Variants in DTNB observed in about 807,000 individuals in gnomAD.
DTNB encodes DTN-B.
A neutral mutation model predicts 90.7 loss-of-function variants in DTNB; 63 were observed. The observed-to-expected ratio is 0.69, with a 90% CI of 0.57 to 0.86. The LOEUF is 0.86. DTNB is among the 40% of genes least tolerant of loss of function. The pLI, the probability that DTNB is intolerant of heterozygous loss-of-function variation, is 0.00. For missense variants in DTNB, 744 were observed against 807.1 expected (o/e 0.92, Z 0.95); for synonymous variants, 277 against 286.7 (o/e 0.97, Z 0.34).
chr2:25,506,391 C>G (rs988895681), intron 9 of DTNB, among the ~76,000 whole-genome samples: 1 of 150,802 alleles, frequency 6.6e-6, no homozygotes, highest in Non-Finnish European at 1.5e-5. Flanking sequence ...CATGAGTACA[C>G]GTGCAGGATG....
intron 8 of DTNB, among the ~76,000 whole-genome samples, chr2:25,536,969 C>G (rs1444951003): frequency 6.6e-6 from 1 of 151,996 alleles, no homozygotes; most frequent in African/African-American, 2.4e-5. Context: ...TCTCAATCTC[C>G]TGACCTCGTG....
intron 9 of DTNB, among the ~76,000 whole-genome samples, chr2:25,491,585 C>T (rs931739375): frequency 6.6e-6 from 1 of 152,008 alleles, no homozygotes; most frequent in Non-Finnish European, 1.5e-5. Flanking sequence ...TGACATTATT[C>T]GCTGTTATAT....
rs138446213 is a variant in DTNB, at chr2:25,495,797, G to A, written c.1002-12924C>T. ...AAAATAAGCATCTGGTACTGTAAGTGTAGCATAAATATCATGTTACATACC... is the reference window on the plus strand; with the variant it reads ...AAAATAAGCATCTGGTACTGTAAGTATAGCATAAATATCATGTTACATACC... On this transcript the variant is annotated intron_variant, in intron 9 of 20. Coordinates refer to ENST00000406818, the MANE Select transcript of DTNB (RefSeq NM_021907.5). Among the ~76,000 whole-genome samples, 18 of 152,308 alleles carry A rather than the reference G, an allele frequency of 1.2e-4. No individual in the cohort carries two copies. The East Asian group carries it at 3.5e-3, about 29-fold the overall frequency.
intron 9 of DTNB, 73 bp downstream of exon 9, chr2:25,531,400 G>C: frequency 1.3e-6 from 2 of 1,553,282 alleles, no homozygotes; most frequent in African/African-American, 2.8e-5. Flanking sequence ...GTGATCCCTG[G>C]TTTTGATCCA....
At chr2:25,384,319 A>G (rs2038838874) in intron 18 of DTNB, among the ~76,000 whole-genome samples, 1 of 152,172 alleles carries the variant, frequency 6.6e-6, no homozygotes, top group African/African-American at 2.4e-5. Flanking sequence ...AAAATTCCGT[A>G]TGTTTTAGCT....
At chr2:25,540,006 A>G (rs1448856751) in intron 8 of DTNB, among the ~76,000 whole-genome samples, 1 of 152,162 alleles carries the variant, frequency 6.6e-6, no homozygotes, top group Non-Finnish European at 1.5e-5. Context: ...CTGGATATAT[A>G]TTCTATTTTT....
At chr2:25,604,239 T>C (rs1046780462) in intron 5 of DTNB, among the ~76,000 whole-genome samples, 1 of 151,628 alleles carries the variant, frequency 6.6e-6, no homozygotes, top group East Asian at 1.9e-4. Flanking sequence ...TGAAAAAGCA[T>C]AATAGTCTCA....
chr2:25,538,851 C>T (rs2080469948), intron 8 of DTNB, among the ~76,000 whole-genome samples: 2 of 152,210 alleles, frequency 1.3e-5, no homozygotes, highest in Admixed American at 6.5e-5. Flanking sequence ...CTTACAGACC[C>T]TCATCCTAAC....
intron 16 of DTNB, among the ~76,000 whole-genome samples, chr2:25,404,717 T>TG (rs2044619771): frequency 6.6e-6 from 1 of 151,918 alleles, no homozygotes; most frequent in Non-Finnish European, 1.5e-5. Flanking sequence ...TAGCCAGGCG[T>TG]GGTGGCACGC....
chr2:25,526,395 A>ATATATATATATATATATT, intron 9 of DTNB, among the ~76,000 whole-genome samples: 5 of 49,828 alleles, frequency 1.0e-4, no homozygotes, highest in African/African-American at 4.9e-4. Context: ...ATATATATAT[A>ATATATATATATATATATT]TTTTTTTTTT....
intron 9 of DTNB, among the ~76,000 whole-genome samples, chr2:25,488,490 G>C (rs554315552): frequency 1.3e-5 from 2 of 152,228 alleles, no homozygotes; most frequent in African/African-American, 4.8e-5. Context: ...TGGGTTTGAA[G>C]TACCATTGAT....
At chr2:25,545,684 C>T (rs1036332365) in intron 8 of DTNB, among the ~76,000 whole-genome samples, 2 of 152,136 alleles carry the variant, frequency 1.3e-5, no homozygotes, top group African/African-American at 2.4e-5. Flanking sequence ...TGCAGTGGTA[C>T]GATCTTGGCT....
intron 4 of DTNB, among the ~76,000 whole-genome samples, chr2:25,626,443 A>G (rs770233674): frequency 6.6e-6 from 1 of 152,168 alleles, no homozygotes; most frequent in African/African-American, 2.4e-5. Context: ...TCTGGGACTT[A>G]TGACACTTAC....
intron 8 of DTNB, among the ~76,000 whole-genome samples, chr2:25,553,461 G>A (rs979237348): frequency 1.2e-4 from 18 of 151,950 alleles, no homozygotes; most frequent in African/African-American, 4.4e-4. Context: ...GGTAGGGCTG[G>A]GTGCGGTGGC....
intron 8 of DTNB, among the ~76,000 whole-genome samples, chr2:25,560,896 C>T (rs2058159407): frequency 6.6e-6 from 1 of 152,170 alleles, no homozygotes; most frequent in African/African-American, 2.4e-5. Context: ...ATGGCCTCCA[C>T]AGGAAGCTAA....
chr2:25,405,605 G>T lies in DTNB; in HGVS notation c.1575+13910C>A, dbSNP rs372494136. 7.8e-4 allele frequency among the ~76,000 whole-genome samples: 118 copies of T among 150,628 alleles called. 1 individual carries two copies. The East Asian group carries it at 0.016, about 21-fold the overall frequency. On this transcript the variant is annotated intron_variant, in intron 16 of 20. Coordinates refer to ENST00000406818, the MANE Select transcript of DTNB (RefSeq NM_021907.5). ...CACCAGTTTTGCTTTTTGTTTTGTT[G>T]TTGTTTTTTTTTTCAACAGACCATG...
chr2:25,434,870 GTTGTT>G (rs951191947), intron 12 of DTNB, among the ~76,000 whole-genome samples: 2 of 151,904 alleles, frequency 1.3e-5, no homozygotes, highest in Admixed American at 6.5e-5. Context: ...ACCAACACCT[GTTGTT>G]TTATTTACTT....
intron 1 of DTNB, chr2:25,652,947 T>G: frequency 3.7e-6 from 1 of 268,316 alleles, no homozygotes; most frequent in Non-Finnish European, 6.9e-6. Context: ...TTATTTTCTC[T>G]GCAGAGTCCT....
intron 16 of DTNB, among the ~76,000 whole-genome samples, chr2:25,411,723 T>C (rs1223869323): frequency 6.6e-6 from 1 of 152,160 alleles, no homozygotes; most frequent in Admixed American, 6.5e-5. Context: ...GCATTTAGGG[T>C]ATCATGTCAA....
Sources: allele counts gnomAD v4.1 joint callset (sites outside exome capture counted in the v4.1 genomes callset), GRCh38; gene constraint gnomAD v4.1.1; transcripts MANE v1.5; gene names NCBI Gene and HGNC (gene_info 2026-07-23, HGNC 2026-07-21).